The following GNE variants were observed in gnomAD, a reference collection of about 807,000 sequenced individuals.
GNE encodes bifunctional UDP-N-acetylglucosamine 2-epimerase/N-acetylmannosamine kinase.
Under a neutral mutation model 61.8 loss-of-function variants are expected in GNE, and 41 were observed. The observed-to-expected ratio is 0.66, with a 90% confidence interval of 0.52 to 0.86. The LOEUF (loss-of-function observed/expected upper bound fraction) is 0.86. Among genes scored for constraint, GNE ranks in the 40% least tolerant of loss-of-function variants. The pLI is 0.00. For missense variants in GNE, 608 were observed against 909.1 expected, an observed-to-expected ratio of 0.67 and a Z score of 4.26; for synonymous variants, 264 against 326.4, an observed-to-expected ratio of 0.81 and a Z score of 2.06.
intron 6 of GNE, 147 bp from the exon 7 acceptor site, chr9:36,227,605 G>A: frequency 3.0e-6 from 2 of 668,496 alleles, no homozygotes; most frequent in Non-Finnish European, 5.3e-6. Context: ...CGTGCACAGT[G>A]GCTCACACCT....
At chr9:36,246,535 G>A (rs554334681) in intron 2 of GNE, 53 bp from the exon 3 acceptor site, 306 of 1,302,312 alleles carry the variant, frequency 2.3e-4, no homozygotes, top group African/African-American at 1.9e-3. Context: ...ACACAGAGCC[G>A]TAACATGCAA....
chr9:36,228,876 A>G lies in GNE; in HGVS notation c.1070+145T>C, dbSNP rs1358779886. 3 of 735,888 alleles carry G rather than the reference A, an allele frequency of 4.1e-6. No homozygotes were observed. The African/African-American group carries it at 5.2e-5, about 13-fold the overall frequency. The allele number at this position is 735,888 out of a possible 1,614,324, so 45.6% of individuals were successfully genotyped here. On this transcript the variant is annotated intron_variant, in intron 6 of 11. Coordinates refer to ENST00000642385, the MANE Select transcript of GNE (RefSeq NM_005476.7). ...CAGTAATAATGGGTATGATATTAGCAATCCCTGTCTCCCCAGCAACTAGGG... is the reference window on the plus strand; with the variant it reads ...CAGTAATAATGGGTATGATATTAGCGATCCCTGTCTCCCCAGCAACTAGGG...
At chr9:36,257,802 C>CA (rs60845805) in intron 1 of GNE, among the ~76,000 whole-genome samples, 5,486 of 25,122 alleles carry the variant, frequency 0.22, 1,716 homozygotes, top group Non-Finnish European at 0.3. Context: ...GACTCAGTCT[C>CA]AAAAAAAAAA....
At chr9:36,234,202 T>C (rs2133069097) in intron 4 of GNE, 70 bp from the exon 5 acceptor site, 1 of 1,184,850 alleles carries the variant, frequency 8.4e-7, no homozygotes, top group Non-Finnish European at 1.3e-6. Flanking sequence ...TTGGCAAGTA[T>C]AGCCCACGTA....
chr9:36,248,535 G>A (rs1411065179), intron 2 of GNE, among the ~76,000 whole-genome samples: 1 of 151,784 alleles, frequency 6.6e-6, no homozygotes, highest in East Asian at 1.9e-4. Flanking sequence ...TGTTGGCCAG[G>A]CTGGTCTCAA....
intron 3 of GNE, among the ~76,000 whole-genome samples, chr9:36,238,589 T>G (rs1159037801): frequency 6.6e-6 from 1 of 152,246 alleles, no homozygotes; most frequent in Non-Finnish European, 1.5e-5. Flanking sequence ...CACTTTTTTA[T>G]GGGACTTTTT....
At chr9:36,237,941 T>G (rs1337239223) in intron 3 of GNE, among the ~76,000 whole-genome samples, 3 of 152,162 alleles carry the variant, frequency 2.0e-5, no homozygotes, top group African/African-American at 7.2e-5. Flanking sequence ...GTTACTTCAC[T>G]TAGAATAATA....
chr9:36,221,809 T>C (rs1828598693), intron 9 of GNE, among the ~76,000 whole-genome samples: 1 of 152,102 alleles, frequency 6.6e-6, no homozygotes, highest in Admixed American at 6.6e-5. Context: ...GGTGAGACCC[T>C]GTCTAAAAAC....
chr9:36,225,862 G>A (rs1460374881), intron 7 of GNE, among the ~76,000 whole-genome samples: 1 of 152,132 alleles, frequency 6.6e-6, no homozygotes, highest in Non-Finnish European at 1.5e-5. Flanking sequence ...CACCTGGACA[G>A]CTTTTAACGA....
chr9:36,245,980 C>G (rs1464975151), intron 3 of GNE, 51 bp downstream of exon 3: 1 of 1,385,544 alleles, frequency 7.2e-7, no homozygotes, highest in Non-Finnish European at 1.0e-6. Context: ...ATAGACGGAA[C>G]ATTTTCTGAC....
chr9:36,273,945 T>C (rs1831143592), intron 1 of GNE, among the ~76,000 whole-genome samples: 1 of 152,090 alleles, frequency 6.6e-6, no homozygotes, highest in African/African-American at 2.4e-5. Context: ...AATTTGGAAC[T>C]CTTTAATGGT....
Position 36,236,867 on chromosome 9 carries a change from T to C in GNE, c.734A>G (p.Lys245Arg). The C allele has an allele frequency of 6.2e-7, 1 of 1,613,892 alleles. No homozygotes were observed. Among genetic ancestry groups the C allele is most frequent in the South Asian group, 1.1e-5 (1 of 91,084 alleles). ...LTLDALISFN[K>R]RTLVLFPNID... ...ATTTGGAAACAGGACTAGGGTCCGC[T>C]TGTTAAATGAGATAAGTGCATCCAA... Residue 245 changes from lysine (K) to arginine (R), a missense_variant, in exon 4 of 12, where the codon AAG becomes AGG. Transcript: ENST00000642385.
At chr9:36,265,067 G>A (rs1371143128) in intron 1 of GNE, 1 of 300,686 alleles carries the variant, frequency 3.3e-6, no homozygotes, top group East Asian at 8.1e-5. Flanking sequence ...CACCCCTCCG[G>A]ATCTGGCAGG....
chr9:36,238,103 TATAA>T (rs906570492), intron 3 of GNE, among the ~76,000 whole-genome samples: 5 of 141,484 alleles, frequency 3.5e-5, no homozygotes, highest in Admixed American at 3.0e-4. Context: ...TAGATGTAGA[TATAA>T]ATAGATATAT....
intron 3 of GNE, among the ~76,000 whole-genome samples, chr9:36,238,983 A>C (rs1274134174): frequency 6.6e-6 from 1 of 152,142 alleles, no homozygotes; most frequent in Non-Finnish European, 1.5e-5. Flanking sequence ...TTTGTTGAAA[A>C]AGGTGTCCAT....
intron 3 of GNE, among the ~76,000 whole-genome samples, chr9:36,241,794 T>C (rs1349891052): frequency 6.6e-6 from 1 of 152,196 alleles, no homozygotes; most frequent in East Asian, 1.9e-4. Context: ...ATGTTATATA[T>C]GGCCTACCCA....
rs201025841 is a variant in GNE, at chr9:36,227,242, T to A, written c.1281+6A>T. 9.3e-5 allele frequency: 148 copies of A among 1,594,576 alleles called. No individual in the cohort carries two copies. The Middle Eastern group carries it at 1.0e-3, about 11-fold the overall frequency. ...TATAAAGTTAGGAGTTTAGGAGTTATTTTACCTTCATGCTGACTATTGCAA... is the reference window on the plus strand; with the variant it reads ...TATAAAGTTAGGAGTTTAGGAGTTAATTTACCTTCATGCTGACTATTGCAA... On this transcript the variant is annotated splice_donor_region_variant and intron_variant, in intron 7 of 11. Coordinates refer to ENST00000642385, the MANE Select transcript of GNE (RefSeq NM_005476.7).
At chr9:36,262,607 A>G (rs1036580748), upstream of GNE, among the ~76,000 whole-genome samples, 3 of 152,206 alleles carry the variant, frequency 2.0e-5, no homozygotes, top group African/African-American at 7.2e-5. Flanking sequence ...GCTTTGTAGT[A>G]TAATAAAATC....
Position 36,216,338 on chromosome 9 carries a change from T to C in GNE, c.*1027A>G, listed in dbSNP as rs954559049. Reference sequence around the variant, plus strand: ...TTAGAGGAGGAAGGATGTGTGTGTGTGTGTGTGTGTGTGTGTAGACGGAGT... The same window carrying C: ...TTAGAGGAGGAAGGATGTGTGTGTGCGTGTGTGTGTGTGTGTAGACGGAGT... On this transcript the variant is annotated 3_prime_UTR_variant, in exon 12 of 12. Coordinates refer to ENST00000642385, the MANE Select transcript of GNE (RefSeq NM_005476.7). 3 of 419,232 alleles carry C rather than the reference T, an allele frequency of 7.2e-6. No homozygotes were observed. The highest frequency in any genetic ancestry group is 9.9e-6 in the Non-Finnish European group (2 of 201,634). The allele number at this position is 419,232 out of a possible 1,614,324, so 26.0% of individuals were successfully genotyped here. A position where few individuals can be genotyped will look rare whatever the true frequency, so the allele number is the denominator to read the frequency against.
Sources: gnomAD v4.1 joint callset for allele counts (sites outside exome capture counted in the v4.1 genomes callset) on GRCh38, gnomAD v4.1.1 for gene constraint, MANE v1.5 for transcripts, NCBI Gene and HGNC (gene_info 2026-07-23, HGNC 2026-07-21) for gene names.